The following GPC6 variants were observed in gnomAD, a reference collection of about 807,000 sequenced individuals.
GPC6 encodes glypican-6.
In GPC6, 14 loss-of-function variants were observed where a neutral mutation model predicts 55.2. The observed-to-expected ratio is 0.25, with a 90% confidence interval of 0.17 to 0.40. The LOEUF (loss-of-function observed/expected upper bound fraction) is 0.40. GPC6 is among the 10% of genes least tolerant of loss of function. The pLI, the probability that GPC6 is intolerant of heterozygous loss-of-function variation, is 1.00. For synonymous variants in GPC6, 278 were observed against 259.6 expected, an observed-to-expected ratio of 1.07 and a Z score of -0.68; for missense variants, 641 against 708.5, an observed-to-expected ratio of 0.90 and a Z score of 1.08.
At chr13:93,820,191 A>G (rs747369159) in intron 2 of GPC6, among the ~76,000 whole-genome samples, 1 of 152,146 alleles carries the variant, frequency 6.6e-6, no homozygotes, top group Non-Finnish European at 1.5e-5. Context: ...TTCATGGAAA[A>G]GTTTATTAAA....
chr13:94,272,549 A>G (rs1028430718), intron 4 of GPC6, among the ~76,000 whole-genome samples: 4 of 145,208 alleles, frequency 2.8e-5, no homozygotes, highest in African/African-American at 7.9e-5. Flanking sequence ...GCTCACTGCA[A>G]GCTCCGCCTC....
chr13:94,171,339 G>A (rs896729254), intron 4 of GPC6, among the ~76,000 whole-genome samples: 1 of 152,154 alleles, frequency 6.6e-6, no homozygotes, highest in Admixed American at 6.5e-5. Context: ...GTATGTTTAT[G>A]TCATTTATTT....
intron 2 of GPC6, among the ~76,000 whole-genome samples, chr13:93,557,936 C>A (rs1566423042): frequency 6.6e-6 from 1 of 151,994 alleles, no homozygotes; most frequent in African/African-American, 2.4e-5. Context: ...ATTCTAGATG[C>A]CTTAAACAGT....
At chr13:93,765,308 T>TTCCAGATAAGCTGTCTGGAAAGAAA in intron 2 of GPC6, among the ~76,000 whole-genome samples, 2 of 148,684 alleles carry the variant, frequency 1.3e-5, no homozygotes, top group East Asian at 2.0e-4. Flanking sequence ...AAAGACAACT[T>TTCCAGATAAGCTGTCTGGAAAGAAA]ATTTGGTTTA....
intron 1 of GPC6, among the ~76,000 whole-genome samples, chr13:93,537,620 A>G (rs1043676905): frequency 6.6e-6 from 1 of 152,276 alleles, no homozygotes. Context: ...CCTCATAGCA[A>G]CATTTTAAAA....
At chr13:93,924,700 T>C (rs1258858479) in intron 3 of GPC6, among the ~76,000 whole-genome samples, 2 of 149,700 alleles carry the variant, frequency 1.3e-5, no homozygotes, top group East Asian at 1.9e-4. Context: ...TCTTTTCTTT[T>C]TTTTTTTTTT....
At chr13:93,685,534 T>C (rs774964593) in intron 2 of GPC6, among the ~76,000 whole-genome samples, 3 of 152,216 alleles carry the variant, frequency 2.0e-5, no homozygotes, top group Non-Finnish European at 2.9e-5. Context: ...ACCTGCCATT[T>C]AAAATTAATT....
intron 1 of GPC6, among the ~76,000 whole-genome samples, chr13:93,399,854 C>T (rs1876004742): frequency 6.6e-6 from 1 of 152,064 alleles, no homozygotes; most frequent in South Asian, 2.1e-4. Flanking sequence ...CTGTCTTTTG[C>T]AGAGGACTGC....
intron 4 of GPC6, among the ~76,000 whole-genome samples, chr13:94,081,659 A>G (rs986169523): frequency 5.3e-5 from 8 of 152,162 alleles, no homozygotes; most frequent in African/African-American, 1.9e-4. Context: ...AAGAAGCTGG[A>G]AGTCCTGGAA....
At chr13:93,318,293 G>GTTTGATA (rs1489640365) in intron 1 of GPC6, among the ~76,000 whole-genome samples, 1 of 151,746 alleles carries the variant, frequency 6.6e-6, no homozygotes, top group East Asian at 2.0e-4. Flanking sequence ...GGCTTTTGTT[G>GTTTGATA]TTTGATACTA....
chr13:94,065,223 G>A (rs1458176741), intron 4 of GPC6, among the ~76,000 whole-genome samples: 2 of 152,074 alleles, frequency 1.3e-5, no homozygotes, highest in Admixed American at 6.6e-5. Flanking sequence ...CAATGGAAAA[G>A]GAATAATCAT....
At chr13:93,496,329 C>T (rs954743594) in intron 1 of GPC6, among the ~76,000 whole-genome samples, 13 of 152,330 alleles carry the variant, frequency 8.5e-5, no homozygotes, top group African/African-American at 2.9e-4. Context: ...GGAAAAGGAA[C>T]TCCCTGACCC....
chr13:93,791,657 G>A (rs1449248882), intron 2 of GPC6, among the ~76,000 whole-genome samples: 1 of 151,602 alleles, frequency 6.6e-6, no homozygotes, highest in Non-Finnish European at 1.5e-5. Context: ...AACATCTTGA[G>A]TTATCTTACT....
chr13:93,944,394 C>T (rs1056571719), intron 3 of GPC6, among the ~76,000 whole-genome samples: 3 of 151,962 alleles, frequency 2.0e-5, no homozygotes, highest in Middle Eastern at 3.4e-3. Flanking sequence ...TTAGTAGAGA[C>T]GGGGTTTCAC....
intron 2 of GPC6, among the ~76,000 whole-genome samples, chr13:93,781,311 A>C (rs943126083): frequency 6.6e-6 from 1 of 151,890 alleles, no homozygotes; most frequent in Non-Finnish European, 1.5e-5. Flanking sequence ...ATACATAATT[A>C]TACTTTGTCT....
chr13:93,856,206 T>A (rs930645731), intron 3 of GPC6, among the ~76,000 whole-genome samples: 1 of 151,546 alleles, frequency 6.6e-6, no homozygotes, highest in East Asian at 1.9e-4. Flanking sequence ...CTTCCCAAAA[T>A]AATCTTATTT....
At chr13:94,140,199 C>T (rs996532850) in intron 4 of GPC6, among the ~76,000 whole-genome samples, 2 of 151,996 alleles carry the variant, frequency 1.3e-5, no homozygotes, top group African/African-American at 4.8e-5. Flanking sequence ...TTGAGTGGGA[C>T]CCCTTTGAAT....
intron 4 of GPC6, among the ~76,000 whole-genome samples, chr13:94,125,380 T>G (rs1240006840): frequency 6.6e-6 from 1 of 152,110 alleles, no homozygotes; most frequent in South Asian, 2.1e-4. Flanking sequence ...TATGATCCTA[T>G]GAAAGGTGCC....
At chr13:93,240,024 T>G (rs111475435) in intron 1 of GPC6, among the ~76,000 whole-genome samples, 2 of 152,216 alleles carry the variant, frequency 1.3e-5, no homozygotes, top group East Asian at 3.9e-4. Context: ...TTTTAAAAAT[T>G]TATTGGAACT....
Sources: allele counts gnomAD v4.1 joint callset (sites outside exome capture counted in the v4.1 genomes callset), GRCh38; gene constraint gnomAD v4.1.1; transcripts MANE v1.5; gene names NCBI Gene and HGNC (gene_info 2026-07-23, HGNC 2026-07-21).